CNTNAP5: variants seen among roughly 807,000 people sequenced by gnomAD.
The protein encoded by CNTNAP5 is contactin-associated protein-like 5.
A neutral mutation model predicts 150.2 loss-of-function variants in CNTNAP5; 72 were observed. The ratio of observed to expected loss-of-function variants is 0.48; its 90% CI spans 0.40 to 0.58. The LOEUF is 0.58. Among genes scored for constraint, CNTNAP5 ranks in the 20% least tolerant of loss-of-function variants. CNTNAP5 has a pLI of 0.00. For missense variants in CNTNAP5, 1,636 were observed against 1,626.2 expected, an observed-to-expected ratio of 1.01 and a Z score of -0.10; for synonymous variants, 672 against 619.8, an observed-to-expected ratio of 1.08 and a Z score of -1.25.
At chr2:124,599,502 G>C (rs1015922750) in intron 11 of CNTNAP5, among the ~76,000 whole-genome samples, 2 of 152,068 alleles carry the variant, frequency 1.3e-5, no homozygotes, top group African/African-American at 4.8e-5. Context: ...ATATTCATGA[G>C]TGATTCTATA....
chr2:124,402,745 A>C lies in CNTNAP5; in HGVS notation c.382-14698A>C, dbSNP rs145199915. 6.3e-3 allele frequency among the ~76,000 whole-genome samples: 961 copies of C among 152,354 alleles called. 9 individuals are homozygous for C. Among genetic ancestry groups the C allele is most frequent in the Admixed American group, 0.013 (192 of 15,308 alleles). ...ACGACAAGTAGATACACACATATGC[A>C]CTTATGATATAATAGACCCTGTGCT... On this transcript the variant is annotated intron_variant, in intron 3 of 23. Coordinates refer to ENST00000682447, the MANE Select transcript of CNTNAP5 (RefSeq NM_001367498.1).
intron 3 of CNTNAP5, among the ~76,000 whole-genome samples, chr2:124,392,851 G>C (rs1691156966): frequency 6.6e-6 from 1 of 151,934 alleles, no homozygotes; most frequent in South Asian, 2.1e-4. Flanking sequence ...GTTAATTAAG[G>C]AATTATAAAG....
intron 13 of CNTNAP5, among the ~76,000 whole-genome samples, chr2:124,668,662 CT>C (rs2105054242): frequency 6.6e-6 from 1 of 152,142 alleles, no homozygotes; most frequent in South Asian, 2.1e-4. Flanking sequence ...TCATTTTTTT[CT>C]ATTTTAATGT....
Position 124,824,616 on chromosome 2 carries a change from G to T in CNTNAP5, c.3217+26296G>T, listed in dbSNP as rs149982821. ...TTGTCAATTACTTAAGTAATATCTTGTCCCAGCATGGTGATGCTCATGGCA... is the reference window on the plus strand; with the variant it reads ...TTGTCAATTACTTAAGTAATATCTTTTCCCAGCATGGTGATGCTCATGGCA... On this transcript the variant is annotated intron_variant, in intron 19 of 23. Coordinates refer to ENST00000682447, the MANE Select transcript of CNTNAP5 (RefSeq NM_001367498.1). Among the ~76,000 whole-genome samples the T allele has an allele frequency of 6.8e-3, 1,029 of 152,192 alleles. 7 individuals are homozygous for T. The highest frequency in any genetic ancestry group is 0.024 in the African/African-American group (980 of 41,522).
chr2:124,659,865 G>A (rs909627769), intron 13 of CNTNAP5, among the ~76,000 whole-genome samples: 1 of 152,156 alleles, frequency 6.6e-6, no homozygotes, highest in Admixed American at 6.6e-5. Flanking sequence ...AACATGGGTA[G>A]AAGTCATTCT....
chr2:124,177,128 G>A (rs1411660685), intron 1 of CNTNAP5, among the ~76,000 whole-genome samples: 1 of 152,084 alleles, frequency 6.6e-6, no homozygotes, highest in Non-Finnish European at 1.5e-5. Context: ...GACTATAGGT[G>A]TGAATCACCA....
chr2:124,359,617 G>C (rs1184000158), intron 3 of CNTNAP5, among the ~76,000 whole-genome samples: 5 of 128,184 alleles, frequency 3.9e-5, no homozygotes, highest in Admixed American at 3.3e-4. Context: ...GAGCGGTTTT[G>C]AGTGAGATTC....
At chr2:124,404,751 T>C (rs955904550) in intron 3 of CNTNAP5, among the ~76,000 whole-genome samples, 1 of 151,994 alleles carries the variant, frequency 6.6e-6, no homozygotes, top group Non-Finnish European at 1.5e-5. Context: ...TGGTGGAGAG[T>C]TCTTGGAAGA....
intron 1 of CNTNAP5, among the ~76,000 whole-genome samples, chr2:124,070,396 G>GAAAAAAAAAA (rs70996039): frequency 6.9e-5 from 5 of 72,956 alleles, no homozygotes; most frequent in Non-Finnish European, 1.3e-4. Flanking sequence ...GCTGAATGGG[G>GAAAAAAAAAA]AAAAAAAAAA....
chr2:124,519,406 G>C (rs1190801671), intron 8 of CNTNAP5, among the ~76,000 whole-genome samples: 1 of 152,154 alleles, frequency 6.6e-6, no homozygotes, highest in Non-Finnish European at 1.5e-5. Context: ...GAATTCAGTA[G>C]CAGAACATAA....
At chr2:124,439,194 G>T (rs1241051932) in intron 5 of CNTNAP5, among the ~76,000 whole-genome samples, 1 of 152,084 alleles carries the variant, frequency 6.6e-6, no homozygotes, top group Non-Finnish European at 1.5e-5. Context: ...ATGGAGAGGG[G>T]AGAAAAACAG....
At chr2:124,525,691 A>C (rs2104888278) in intron 9 of CNTNAP5, among the ~76,000 whole-genome samples, 2 of 152,312 alleles carry the variant, frequency 1.3e-5, no homozygotes, top group Admixed American at 1.3e-4. Context: ...TTTACCTCAA[A>C]TGTCCTCCAC....
At chr2:124,757,482 G>C (rs1048609334) in intron 14 of CNTNAP5, among the ~76,000 whole-genome samples, 1 of 152,288 alleles carries the variant, frequency 6.6e-6, no homozygotes, top group Non-Finnish European at 1.5e-5. Flanking sequence ...AGCTGCTGTC[G>C]GCAGGTGGGA....
At chr2:124,102,251 A>T (rs1683082017) in intron 1 of CNTNAP5, among the ~76,000 whole-genome samples, 1 of 152,226 alleles carries the variant, frequency 6.6e-6, no homozygotes, top group Non-Finnish European at 1.5e-5. Context: ...CCCTGGGGCC[A>T]CTTTTCAAAG....
chr2:124,679,364 C>G (rs969222704), intron 13 of CNTNAP5, among the ~76,000 whole-genome samples: 1 of 151,810 alleles, frequency 6.6e-6, no homozygotes, highest in African/African-American at 2.4e-5. Context: ...AAAGTAATCA[C>G]TAACATCATT....
At chr2:124,754,637 A>G (rs1254709559) in intron 14 of CNTNAP5, among the ~76,000 whole-genome samples, 1 of 152,194 alleles carries the variant, frequency 6.6e-6, no homozygotes, top group Admixed American at 6.6e-5. Context: ...ATTCTGGAGT[A>G]ACTTGATACT....
chr2:124,708,064 C>A (rs1679730256), intron 13 of CNTNAP5, among the ~76,000 whole-genome samples: 1 of 152,154 alleles, frequency 6.6e-6, no homozygotes, highest in South Asian at 2.1e-4. Context: ...CTTTCTAAAT[C>A]ATTTGAGTAT....
At chr2:124,660,609 A>G (rs1222933514) in intron 13 of CNTNAP5, among the ~76,000 whole-genome samples, 2 of 151,404 alleles carry the variant, frequency 1.3e-5, no homozygotes, top group Non-Finnish European at 2.9e-5. Flanking sequence ...ACTGTTTTAC[A>G]TTATTTTTTA....
At chr2:124,752,983 T>C (rs1680761514) in intron 14 of CNTNAP5, among the ~76,000 whole-genome samples, 1 of 152,198 alleles carries the variant, frequency 6.6e-6, no homozygotes, top group African/African-American at 2.4e-5. Context: ...AGTCTTCTCA[T>C]CCAAACAACC....
Sources: gnomAD v4.1 joint callset for allele counts (sites outside exome capture counted in the v4.1 genomes callset) on GRCh38, gnomAD v4.1.1 for gene constraint, MANE v1.5 for transcripts, NCBI Gene and HGNC (gene_info 2026-07-23, HGNC 2026-07-21) for gene names.